TTC34: variants seen among roughly 807,000 people sequenced by gnomAD.
The protein encoded by TTC34 is tetratricopeptide repeat protein 34.
Under a neutral mutation model 40.7 loss-of-function variants are expected in TTC34, and 44 were observed. The observed-to-expected ratio is 1.08, with a 90% confidence interval of 0.85 to 1.39. TTC34 has a LOEUF of 1.39. Among genes scored for constraint, TTC34 ranks in the 40% most tolerant of loss-of-function variants. The pLI is 0.00. For missense variants in TTC34, 884 were observed against 838.0 expected, an observed-to-expected ratio of 1.05 and a Z score of -0.68; for synonymous variants, 422 against 398.6, an observed-to-expected ratio of 1.06 and a Z score of -0.70.
intron 6 of TTC34, among the ~76,000 whole-genome samples, chr1:2,648,062 C>A (rs1464910638): frequency 1.3e-5 from 2 of 151,978 alleles, no homozygotes; most frequent in African/African-American, 4.8e-5. Flanking sequence ...CTCATTCTAG[C>A]AAACATTTCT....
chr1:2,791,101 C>A (rs561430112), intron 2 of TTC34, among the ~76,000 whole-genome samples: 128 of 152,238 alleles, frequency 8.4e-4, no homozygotes, highest in African/African-American at 3.0e-3. Context: ...GGGCAGCATC[C>A]CCACCCCCAC....
intron 3 of TTC34, among the ~76,000 whole-genome samples, chr1:2,788,301 T>C (rs998819421): frequency 1.3e-5 from 2 of 151,806 alleles, no homozygotes; most frequent in African/African-American, 2.4e-5. Flanking sequence ...GTGTGTGTGT[T>C]ATGTACATGT....
At chr1:2,777,950 T>G (rs1643346843) in intron 6 of TTC34, among the ~76,000 whole-genome samples, 1 of 152,196 alleles carries the variant, frequency 6.6e-6, no homozygotes, top group Non-Finnish European at 1.5e-5. Context: ...TAAATGGGCA[T>G]GTCCCTGGCA....
At chr1:2,787,934 C>T (rs549802228) in intron 3 of TTC34, among the ~76,000 whole-genome samples, 196 of 152,320 alleles carry the variant, frequency 1.3e-3, no homozygotes, top group African/African-American at 4.2e-3. Flanking sequence ...GGGATTGTGG[C>T]GGTATAGACA....
At chr1:2,800,192 G>A in exon 2 of TTC34, 1 of 398,566 alleles carries the variant, frequency 2.5e-6, no homozygotes, top group Non-Finnish European at 4.4e-6. Context: ...GGAGTCGCTG[G>A]CCACCGGTCT....
In TTC34 at chr1:2,694,166, A is replaced by T. The variant is rs1281351346; in HGVS notation, c.2227-48603T>A. On this transcript the variant is annotated intron_variant, in intron 6 of 8. Coordinates refer to ENST00000401095, the Ensembl canonical transcript of TTC34. ...ACACACACCCCCAGGCGAGCATCTGACGGCCTGGAACGGCACCCACACCCC... is the reference window on the plus strand; with the variant it reads ...ACACACACCCCCAGGCGAGCATCTGTCGGCCTGGAACGGCACCCACACCCC... 2.1e-3 allele frequency among the ~76,000 whole-genome samples: 298 copies of T among 138,680 alleles called. 1 individual carries two copies. Among genetic ancestry groups the T allele is most frequent in the African/African-American group, 7.3e-3 (252 of 34,610 alleles). The allele number at this position is 138,680 out of a possible 152,430, so 91.0% of individuals were successfully genotyped here.
At chr1:2,681,097 C>G (rs1256775350) in intron 6 of TTC34, among the ~76,000 whole-genome samples, 2 of 82,890 alleles carry the variant, frequency 2.4e-5, no homozygotes, top group African/African-American at 8.4e-5. Context: ...TAGAGCAGTG[C>G]CCACACCCCC....
chr1:2,800,887 G>A lies in TTC34; in HGVS notation c.-41-19C>T, dbSNP rs1008106275. 5 of 398,538 alleles carry A rather than the reference G, an allele frequency of 1.3e-5. No individual in the cohort carries two copies. The highest frequency in any genetic ancestry group is 1.8e-5 in the Non-Finnish European group (4 of 226,102). The allele number at this position is 398,538 out of a possible 1,614,324, so 24.7% of individuals were successfully genotyped here. A position where few individuals can be genotyped will look rare whatever the true frequency, so the allele number is the denominator to read the frequency against. ...AGAGTACCTGGGGGTGGGGGAGCATGGTGAGTCCACAGAGGGCGGCCAGTT... is the reference window on the plus strand; with the variant it reads ...AGAGTACCTGGGGGTGGGGGAGCATAGTGAGTCCACAGAGGGCGGCCAGTT... On this transcript the variant is annotated intron_variant, in intron 1 of 8. Transcript: ENST00000401095.
At chr1:2,644,146 C>G in intron 8 of TTC34, 118 bp downstream of exon 8, 2 of 1,137,134 alleles carry the variant, frequency 1.8e-6, no homozygotes, top group Non-Finnish European at 2.5e-6. Flanking sequence ...CCAAACCTAA[C>G]TGAAATCAAC....
In TTC34 at chr1:2,800,197, C is replaced by T. The variant is rs61733554; in HGVS notation, c.631G>A (p.Gly211Ser). 633 of 398,456 alleles carry T rather than the reference C, an allele frequency of 1.6e-3. 5 individuals carry two copies. The highest frequency in any genetic ancestry group is 0.012 in the African/African-American group (570 of 48,720). The allele number at this position is 398,456 out of a possible 1,614,324, so 24.7% of individuals were successfully genotyped here. Residue 211 changes from glycine to serine, a missense_variant, in exon 2 of 9, where the codon GGT (glycine) becomes AGT (serine). Transcript: ENST00000401095. ...AGAGCCGCCAGGAGTCGCTGGCCAC[C>T]GGTCTCCTGCTGGCCGGCACTGTGC...
intron 6 of TTC34, among the ~76,000 whole-genome samples, chr1:2,759,220 T>C: frequency 8.6e-6 from 1 of 116,066 alleles, no homozygotes; most frequent in African/African-American, 3.6e-5. Flanking sequence ...TCTGACAGCC[T>C]GAAACAGCAC....
chr1:2,675,026 G>C (rs1358349191), intron 6 of TTC34, among the ~76,000 whole-genome samples: 1 of 135,224 alleles, frequency 7.4e-6, no homozygotes, highest in African/African-American at 2.7e-5. Flanking sequence ...TGATGGTCTG[G>C]AGCAGCACCC....
At chr1:2,751,951 T>C (rs1344260109) in intron 6 of TTC34, among the ~76,000 whole-genome samples, 30 of 38,840 alleles carry the variant, frequency 7.7e-4, no homozygotes, top group African/African-American at 1.2e-3. Flanking sequence ...CATCGGAGAG[T>C]CTGGAGCAGC....
intron 6 of TTC34, among the ~76,000 whole-genome samples, chr1:2,751,610 C>G (rs1199302528): frequency 0.021 from 2,437 of 114,098 alleles, 382 homozygotes; most frequent in Non-Finnish European, 0.034. Flanking sequence ...ACCCACACCC[C>G]CAGGCGAGCA....
At chr1:2,750,078 G>T (rs1313023550) in intron 6 of TTC34, among the ~76,000 whole-genome samples, 4 of 13,730 alleles carry the variant, frequency 2.9e-4, no homozygotes, top group African/African-American at 8.3e-4. Context: ...TGGAGCAGCA[G>T]GCACACCCCC....
chr1:2,637,688 C>T (rs1408697737), exon 9 of TTC34: 1 of 152,228 alleles, frequency 6.6e-6, no homozygotes, highest in African/African-American at 2.4e-5. Context: ...CCCTGAGTGT[C>T]CAGCAGCACT....
At chr1:2,644,366 T>C in exon 8 of TTC34, 1 of 1,535,990 alleles carries the variant, frequency 6.5e-7, no homozygotes, top group Non-Finnish European at 8.7e-7. Flanking sequence ...TTGCAGCCCC[T>C]GGCACGTCTC....
rs137927857 is a variant in TTC34 at position 2,779,468 on chromosome 1, C to T, written c.2226+4141G>A. 1.5e-3 allele frequency among the ~76,000 whole-genome samples: 225 copies of T among 152,176 alleles called. 7 individuals are homozygous for T. In the East Asian group the frequency reaches 0.021, roughly 14 times the overall value. On this transcript the variant is annotated intron_variant, in intron 6 of 8. Transcript: ENST00000401095. ...CCTCCCGAGTAGCTGGGATTACAGG[C>T]GCGTGCCACCACGCCTGGCTAACTT...
rs367688409 is a variant in TTC34 at position 2,700,134 on chromosome 1, C to A, written c.2227-54571G>T. Among the ~76,000 whole-genome samples the A allele has an allele frequency of 1.2e-4, 14 of 116,234 alleles. 1 individual carries two copies. The highest frequency in any genetic ancestry group is 8.0e-4 in the East Asian group (3 of 3,728). 76.3% of individuals were successfully genotyped at this position (116,234 alleles called of 152,430 possible). ...GAGAGCCTGGAGCAGCATCCTCACC[C>A]CAGGTGAGCATCGGACATCCTGGAG... On this transcript the variant is annotated intron_variant, in intron 6 of 8. Coordinates refer to ENST00000401095, the Ensembl canonical transcript of TTC34.
Sources: allele counts gnomAD v4.1 joint callset (sites outside exome capture counted in the v4.1 genomes callset), GRCh38; gene constraint gnomAD v4.1.1; transcripts MANE v1.5; gene names NCBI Gene and HGNC (gene_info 2026-07-23, HGNC 2026-07-21).